NRXN3: variants seen among roughly 807,000 people sequenced by gnomAD.
NRXN3 encodes the protein neurexin 3.
NRXN3 carries 32 observed loss-of-function variants against 137.6 expected under a neutral mutation model. The observed-to-expected ratio is 0.23, with a 90% CI of 0.18 to 0.31. The LOEUF is 0.31. Ranked by LOEUF, NRXN3 falls within the 10% of genes least tolerant of loss-of-function variation. The probability of loss-of-function intolerance (pLI) is 1.00; values close to 1 mark genes in which losing one functional copy is unlikely to be tolerated. For missense variants in NRXN3, 1,574 were observed against 2,062.5 expected, an observed-to-expected ratio of 0.76 and a Z score of 4.59; for synonymous variants, 798 against 784.5, an observed-to-expected ratio of 1.02 and a Z score of -0.29.
At chr14:79,558,261 G>C (rs986647841) in intron 16 of NRXN3, among the ~76,000 whole-genome samples, 15 of 152,052 alleles carry the variant, frequency 9.9e-5, no homozygotes, top group African/African-American at 3.4e-4. Flanking sequence ...AATCATTGAT[G>C]TTCTTCATGG....
At chr14:78,994,452 T>C (rs1363943107) in intron 15 of NRXN3, among the ~76,000 whole-genome samples, 1 of 152,224 alleles carries the variant, frequency 6.6e-6, no homozygotes, top group Non-Finnish European at 1.5e-5. Flanking sequence ...GCCCAACTCT[T>C]GGGGAGAAAC....
chr14:78,240,037 A>G (rs1170687323), intron 1 of NRXN3, among the ~76,000 whole-genome samples: 1 of 151,336 alleles, frequency 6.6e-6, no homozygotes, highest in Non-Finnish European at 1.5e-5. Context: ...CTTCTCAAAT[A>G]CTCTTTGTGG....
chr14:79,127,266 A>T (rs1342328885), intron 15 of NRXN3, among the ~76,000 whole-genome samples: 1 of 152,156 alleles, frequency 6.6e-6, no homozygotes, highest in African/African-American at 2.4e-5. Flanking sequence ...TATGTCCTGA[A>T]TGGTAATACC....
rs1285608130 is a variant in NRXN3, at chr14:79,087,961, G to GT, written c.3262+99820_3262+99821insT. 8.4e-4 allele frequency among the ~76,000 whole-genome samples: 118 copies of GT among 140,310 alleles called. 4 individuals carry two copies. The highest frequency in any genetic ancestry group is 3.7e-3 in the African/African-American group (111 of 30,204). The allele number at this position is 140,310 out of a possible 152,430, so 92.0% of individuals were successfully genotyped here. A position where few individuals can be genotyped will look rare whatever the true frequency, so the allele number is the denominator to read the frequency against. ...TAACAACTAGTTGTTTCTGGTTAAA[G>GT]CAACACCAGTATTTGGATGAGTTGG... On this transcript the variant is annotated intron_variant, in intron 15 of 20. Coordinates refer to ENST00000335750, the MANE Select transcript of NRXN3 (RefSeq NM_001330195.2).
intron 15 of NRXN3, among the ~76,000 whole-genome samples, chr14:79,220,325 T>A (rs1289437899): frequency 6.6e-6 from 1 of 152,186 alleles, no homozygotes; most frequent in Non-Finnish European, 1.5e-5. Context: ...TTTAGGTTCA[T>A]AGTAAAATTG....
Position 78,879,858 on chromosome 14 carries a change from AC to A in NRXN3, c.2275+69521del, listed in dbSNP as rs545773908. ...AGTAGGTTAAGGGATTCATGGAGGGACCCCCCCTGCCCCCCAAATTGATTTG... is the reference window on the plus strand; with the variant it reads ...AGTAGGTTAAGGGATTCATGGAGGGACCCCCCTGCCCCCCAAATTGATTTG... On this transcript the variant is annotated intron_variant, in intron 10 of 20. Coordinates refer to ENST00000335750, the MANE Select transcript of NRXN3 (RefSeq NM_001330195.2). Among the ~76,000 whole-genome samples, 261 of 151,440 alleles carry A rather than the reference AC, an allele frequency of 1.7e-3. 1 individual carries two copies. Among genetic ancestry groups the A allele is most frequent in the South Asian group, 7.6e-3 (36 of 4,766 alleles).
chr14:79,673,636 CTTCATTCACTA>C (rs1284398954), intron 17 of NRXN3, among the ~76,000 whole-genome samples: 1 of 152,034 alleles, frequency 6.6e-6, no homozygotes, highest in Non-Finnish European at 1.5e-5. Context: ...ATTCATTCAC[CTTCATTCACTA>C]TTCAACAAAC....
intron 16 of NRXN3, among the ~76,000 whole-genome samples, chr14:79,604,848 A>G (rs191244484): frequency 8.6e-4 from 131 of 151,988 alleles, no homozygotes; most frequent in Middle Eastern, 3.4e-3. Flanking sequence ...CCTGGCCAAC[A>G]TGGTGAAAAT....
intron 15 of NRXN3, among the ~76,000 whole-genome samples, chr14:79,190,183 A>T (rs1037129088): frequency 2.0e-5 from 3 of 152,104 alleles, no homozygotes; most frequent in Admixed American, 2.0e-4. Context: ...ACATTTTCAG[A>T]TTAAGTTGAA....
At chr14:78,464,931 C>T (rs1366483210) in intron 4 of NRXN3, among the ~76,000 whole-genome samples, 1 of 152,198 alleles carries the variant, frequency 6.6e-6, no homozygotes, top group Non-Finnish European at 1.5e-5. Flanking sequence ...TTAACATTCA[C>T]ATTCTGTTCC....
At chr14:78,457,236 G>T (rs1488273811) in intron 4 of NRXN3, among the ~76,000 whole-genome samples, 2 of 152,000 alleles carry the variant, frequency 1.3e-5, no homozygotes, top group Non-Finnish European at 2.9e-5. Context: ...ACTGGGTTTT[G>T]CCATGTTGGC....
chr14:78,497,831 C>T (rs2095813856), intron 4 of NRXN3, among the ~76,000 whole-genome samples: 1 of 152,186 alleles, frequency 6.6e-6, no homozygotes, highest in South Asian at 2.1e-4. Context: ...GCCTCAGCAT[C>T]TTCCTCTGTA....
intron 8 of NRXN3, among the ~76,000 whole-genome samples, chr14:78,801,460 C>T (rs552935690): frequency 6.6e-5 from 10 of 152,256 alleles, no homozygotes; most frequent in African/African-American, 1.4e-4. Flanking sequence ...TTTCACAAGG[C>T]GGCAGGAGAG....
At chr14:79,384,242 G>A (rs928138651) in intron 15 of NRXN3, among the ~76,000 whole-genome samples, 3 of 152,158 alleles carry the variant, frequency 2.0e-5, no homozygotes, top group Non-Finnish European at 4.4e-5. Flanking sequence ...CTGTGTGGGT[G>A]TTGGAGAGGG....
chr14:78,288,975 T>C (rs2075489851), intron 3 of NRXN3, among the ~76,000 whole-genome samples: 1 of 152,190 alleles, frequency 6.6e-6, no homozygotes, highest in Admixed American at 6.5e-5. Flanking sequence ...TGGGCTGGTA[T>C]GATTACATGG....
At chr14:79,468,317 G>A (rs1389856232) in intron 16 of NRXN3, among the ~76,000 whole-genome samples, 4 of 152,172 alleles carry the variant, frequency 2.6e-5, no homozygotes, top group Non-Finnish European at 1.5e-5. Context: ...TAAGAAAGTA[G>A]GCTAAAGAGA....
intron 6 of NRXN3, among the ~76,000 whole-genome samples, chr14:78,655,359 AT>A (rs1566985150): frequency 1.3e-5 from 2 of 152,352 alleles, no homozygotes; most frequent in African/African-American, 4.8e-5. Flanking sequence ...ACAAATAGAA[AT>A]GTAAGTGTAA....
At chr14:79,270,687 A>G (rs767115430) in intron 15 of NRXN3, among the ~76,000 whole-genome samples, 2 of 152,180 alleles carry the variant, frequency 1.3e-5, no homozygotes, top group Non-Finnish European at 2.9e-5. Flanking sequence ...TTAGGAAGCT[A>G]GGAAAGAACA....
rs138715868 is a variant in NRXN3, at chr14:79,798,797, G to A, written c.4015-6315G>A. On this transcript the variant is annotated intron_variant, in intron 19 of 20. Transcript: ENST00000335750. ...ACGGTCTTGAGCAGTTCTGATCACA[G>A]CTCACAGCAGTAGACACTTTTCTCA... Among the ~76,000 whole-genome samples, 245 of 152,324 alleles carry A rather than the reference G, an allele frequency of 1.6e-3. 2 individuals carry two copies. Among genetic ancestry groups the A allele is most frequent in the African/African-American group, 3.6e-3 (149 of 41,580 alleles).
Sources: allele counts gnomAD v4.1 joint callset (sites outside exome capture counted in the v4.1 genomes callset), GRCh38; gene constraint gnomAD v4.1.1; transcripts MANE v1.5; gene names NCBI Gene and HGNC (gene_info 2026-07-23, HGNC 2026-07-21).